KCNH7: variants seen among roughly 807,000 people sequenced by gnomAD.
The protein encoded by KCNH7 is potassium voltage-gated channel subfamily H member 7.
In KCNH7, 49 loss-of-function variants were observed where a neutral mutation model predicts 120.8. The observed-to-expected ratio is 0.41, with a 90% confidence interval of 0.32 to 0.51. The LOEUF (loss-of-function observed/expected upper bound fraction) is 0.51. KCNH7 is among the 20% of genes least tolerant of loss of function. The pLI, the probability that KCNH7 is intolerant of heterozygous loss-of-function variation, is 0.38. For missense variants in KCNH7, 1,097 were observed against 1,446.6 expected (o/e 0.76, Z 3.92); for synonymous variants, 547 against 516.1 (o/e 1.06, Z -0.81).
intron 9 of KCNH7, among the ~76,000 whole-genome samples, chr2:162,407,077 A>G (rs928574027): frequency 9.2e-5 from 14 of 151,998 alleles, no homozygotes; most frequent in Admixed American, 2.0e-4. Flanking sequence ...ATAAGGAAAG[A>G]TTTTCTTGTA....
At chr2:162,418,022 T>G (rs1012351541) in intron 9 of KCNH7, among the ~76,000 whole-genome samples, 3 of 152,098 alleles carry the variant, frequency 2.0e-5, no homozygotes, top group Non-Finnish European at 4.4e-5. Flanking sequence ...AGTGATAAAT[T>G]TGTGTGTTCA....
intron 2 of KCNH7, among the ~76,000 whole-genome samples, chr2:162,553,308 C>A (rs1297477862): frequency 6.6e-6 from 1 of 152,176 alleles, no homozygotes; most frequent in Admixed American, 6.5e-5. Context: ...CGTTATGATT[C>A]ACTAAAGAGC....
chr2:162,661,489 T>C (rs1276268058), intron 2 of KCNH7, among the ~76,000 whole-genome samples: 1 of 152,236 alleles, frequency 6.6e-6, no homozygotes, highest in African/African-American at 2.4e-5. Context: ...TTTATATTTA[T>C]GAACATGAAA....
At chr2:162,575,960 C>T (rs1410115271) in intron 2 of KCNH7, among the ~76,000 whole-genome samples, 1 of 152,046 alleles carries the variant, frequency 6.6e-6, no homozygotes, top group African/African-American at 2.4e-5. Flanking sequence ...AGACAGCTGA[C>T]TCACTTGAAG....
intron 6 of KCNH7, among the ~76,000 whole-genome samples, chr2:162,499,588 A>G (rs980287783): frequency 3.3e-5 from 5 of 152,184 alleles, no homozygotes; most frequent in African/African-American, 9.6e-5. Context: ...AGGCCAAAAG[A>G]GGACTATGGA....
intron 6 of KCNH7, among the ~76,000 whole-genome samples, chr2:162,462,440 C>T (rs936816650): frequency 4.6e-5 from 7 of 151,862 alleles, no homozygotes; most frequent in African/African-American, 1.2e-4. Context: ...AAATCCCTAA[C>T]ATAAGGCTTG....
intron 2 of KCNH7, among the ~76,000 whole-genome samples, chr2:162,701,279 A>C (rs938980169): frequency 6.6e-6 from 1 of 152,154 alleles, no homozygotes; most frequent in African/African-American, 2.4e-5. Flanking sequence ...TGAAACATGC[A>C]TAATAAAAAG....
intron 2 of KCNH7, among the ~76,000 whole-genome samples, chr2:162,659,935 T>C (rs1444808780): frequency 6.6e-6 from 1 of 152,130 alleles, no homozygotes; most frequent in Non-Finnish European, 1.5e-5. Context: ...TTTTGGAAGA[T>C]TATTTTCTTT....
Position 162,792,963 on chromosome 2 carries a change from T to C in KCNH7, c.307+43574A>G, listed in dbSNP as rs888433425. On this transcript the variant is annotated intron_variant, in intron 2 of 15. Coordinates refer to ENST00000332142, the MANE Select transcript of KCNH7 (RefSeq NM_033272.4). ...TTTTTGATATGGGAATTTAATCTTA[T>C]AAATTTCCCTCTTAATACTGCCTTA... 3.3e-5 allele frequency among the ~76,000 whole-genome samples: 5 copies of C among 152,006 alleles called. No individual in the cohort carries two copies. In the East Asian group the frequency reaches 7.7e-4, roughly 23 times the overall value.
chr2:162,610,036 C>T (rs1241881682), intron 2 of KCNH7, among the ~76,000 whole-genome samples: 1 of 152,180 alleles, frequency 6.6e-6, no homozygotes, highest in Non-Finnish European at 1.5e-5. Context: ...GTCTCTTTCT[C>T]TCACTAGCAC....
chr2:162,624,123 A>T (rs924504616), intron 2 of KCNH7, among the ~76,000 whole-genome samples: 2 of 152,122 alleles, frequency 1.3e-5, no homozygotes, highest in African/African-American at 2.4e-5. Flanking sequence ...TGCTCCTGAC[A>T]GTCAACCAGC....
At chr2:162,753,474 G>A (rs1293867981) in intron 2 of KCNH7, among the ~76,000 whole-genome samples, 1 of 152,148 alleles carries the variant, frequency 6.6e-6, no homozygotes, top group African/African-American at 2.4e-5. Context: ...TGAATCATGA[G>A]AAAAAATTCT....
chr2:162,832,845 G>A (rs896020847), intron 2 of KCNH7, among the ~76,000 whole-genome samples: 1 of 152,118 alleles, frequency 6.6e-6, no homozygotes, highest in African/African-American at 2.4e-5. Context: ...CCTCTTCTGA[G>A]TTTACTTAAT....
At chr2:162,564,019 G>A (rs1339296758) in intron 2 of KCNH7, among the ~76,000 whole-genome samples, 1 of 151,968 alleles carries the variant, frequency 6.6e-6, no homozygotes, top group South Asian at 2.1e-4. Flanking sequence ...CAATAAACTG[G>A]TACAACTCAA....
At chr2:162,671,961 A>C (rs1685375072) in intron 2 of KCNH7, among the ~76,000 whole-genome samples, 1 of 152,098 alleles carries the variant, frequency 6.6e-6, no homozygotes, top group Non-Finnish European at 1.5e-5. Flanking sequence ...GAGATAGCAC[A>C]ATAAACATAA....
At chr2:162,408,699 T>G (rs906046924) in intron 9 of KCNH7, among the ~76,000 whole-genome samples, 3 of 151,912 alleles carry the variant, frequency 2.0e-5, no homozygotes, top group Non-Finnish European at 4.4e-5. Context: ...TTTATAAAGG[T>G]GGGTCATTAA....
chr2:162,375,875 G>A (rs1407982478), intron 14 of KCNH7, among the ~76,000 whole-genome samples: 2 of 147,306 alleles, frequency 1.4e-5, no homozygotes, highest in East Asian at 4.0e-4. Flanking sequence ...GGGTGACAGA[G>A]GACAGAGCCA....
At chr2:162,588,156 G>A (rs548496475) in intron 2 of KCNH7, among the ~76,000 whole-genome samples, 1 of 152,092 alleles carries the variant, frequency 6.6e-6, no homozygotes, top group Non-Finnish European at 1.5e-5. Context: ...AAGAGGCAAG[G>A]ACAATGATGA....
intron 3 of KCNH7, among the ~76,000 whole-genome samples, chr2:162,519,971 C>T (rs556253134): frequency 6.6e-6 from 1 of 151,756 alleles, no homozygotes; most frequent in African/African-American, 2.4e-5. Context: ...TTTTTTTCTA[C>T]ATGCACATAT....
Sources: gnomAD v4.1 joint callset for allele counts (sites outside exome capture counted in the v4.1 genomes callset) on GRCh38, gnomAD v4.1.1 for gene constraint, MANE v1.5 for transcripts, NCBI Gene and HGNC (gene_info 2026-07-23, HGNC 2026-07-21) for gene names.